The following CAMSAP3 variants were observed in gnomAD, a reference collection of about 807,000 sequenced individuals.
CAMSAP3 encodes calmodulin-regulated spectrin-associated protein 3.
In CAMSAP3, 34 loss-of-function variants were observed where a neutral mutation model predicts 112.5. That is an observed-to-expected ratio of 0.30 (90% CI 0.23 to 0.40). The LOEUF (loss-of-function observed/expected upper bound fraction) is 0.40, where lower values mean the gene tolerates loss of function less well. CAMSAP3 is among the 10% of genes least tolerant of loss of function. The probability of loss-of-function intolerance (pLI) is 1.00; values close to 1 mark genes in which losing one functional copy is unlikely to be tolerated. For missense variants in CAMSAP3, 1,602 were observed against 1,770.3 expected, an observed-to-expected ratio of 0.90 and a Z score of 1.71; for synonymous variants, 868 against 799.8, an observed-to-expected ratio of 1.09 and a Z score of -1.44.
intron 14 of CAMSAP3, 34 bp downstream of exon 14, chr19:7,616,656 C>G: frequency 2.0e-6 from 3 of 1,509,774 alleles, no homozygotes; most frequent in African/African-American, 1.4e-5. Context: ...GGTTCGTATG[C>G]CGGGTGGCTT....
At position 7,613,016 on chromosome 19, in the gene CAMSAP3, G is replaced by A. The variant is rs985977192; in HGVS notation, c.2523G>A (p.Pro841=). 50 of 1,560,376 alleles carry A rather than the reference G, an allele frequency of 3.2e-5. No homozygotes were observed. The highest frequency in any genetic ancestry group is 8.2e-5 in the African/African-American group (6 of 72,994). Residue 841 remains proline, a synonymous_variant, in exon 11 of 17, where the codon CCG becomes CCA. Coordinates refer to ENST00000160298, the MANE Select transcript of CAMSAP3 (RefSeq NM_020902.2). ...CCCCCGAGGAGCCAGCCGCCCGGCC[G>A]GGCCTCATCGAGATCCCGCTGGGCA... ...ETPPEEPAAR[P]GLIEIPLGSL... is the part of the protein sequence containing the mutation.
intron 5 of CAMSAP3, among the ~76,000 whole-genome samples, chr19:7,608,465 C>A (rs935392846): frequency 2.0e-5 from 3 of 152,102 alleles, no homozygotes; most frequent in Non-Finnish European, 4.4e-5. Flanking sequence ...ATATAAACCT[C>A]TCTGTGCTTC....
intron 1 of CAMSAP3, among the ~76,000 whole-genome samples, chr19:7,603,341 A>C (rs1278493455): frequency 6.6e-6 from 1 of 151,650 alleles, no homozygotes; most frequent in Admixed American, 6.6e-5. Flanking sequence ...CGGCTTCCCG[A>C]GTAGCTGGGA....
intron 2 of CAMSAP3, 119 bp from the exon 3 acceptor site, chr19:7,606,152 C>CCGCA (rs2030205782): frequency 3.0e-6 from 1 of 328,296 alleles, no homozygotes; most frequent in African/African-American, 4.3e-5. Context: ...CCCCCTCAAG[C>CCGCA]CCCACCCCCC....
Position 7,615,744 on chromosome 19 carries a change from C to A in CAMSAP3, c.3112+25C>A. ...GGTGAGGACCCTTGGGGGACGGGGC[C>A]TGCCCAGTGCCCTTTCCGGGGCTCA... is the stretch of plus-strand genomic sequence containing the variant. On this transcript the variant is annotated intron_variant, in intron 13 of 16. Transcript: ENST00000160298. This position sits in a 1 kb window ranked among gnomAD's most constrained non-coding sequence, Gnocchi z 6.5. 1 of 1,311,220 alleles carries A rather than the reference C, an allele frequency of 7.6e-7. No individual in the cohort carries two copies. The highest frequency in any genetic ancestry group is 9.7e-7 in the Non-Finnish European group (1 of 1,030,194). 81.2% of individuals were successfully genotyped at this position (1,311,220 alleles called of 1,614,324 possible).
intron 1 of CAMSAP3, among the ~76,000 whole-genome samples, chr19:7,600,861 T>C (rs1046538967): frequency 8.0e-5 from 11 of 137,480 alleles, no homozygotes; most frequent in African/African-American, 1.9e-4. Context: ...CATCCATCCA[T>C]CCACCCACCC....
rs1225600779 is a variant in CAMSAP3 at position 7,611,666 on chromosome 19, C to A, written c.1194-21C>A. 3.8e-6 allele frequency: 6 copies of A among 1,569,474 alleles called. No homozygotes were observed. The African/African-American group carries it at 6.8e-5, about 18-fold the overall frequency. ...GGCCGAGGCTGGTCCCAGGGGCTGACCCCTCCCTCCGGCCGCCCAGCCGTC... is the reference window on the plus strand; with the variant it reads ...GGCCGAGGCTGGTCCCAGGGGCTGAACCCTCCCTCCGGCCGCCCAGCCGTC... On this transcript the variant is annotated intron_variant, in intron 10 of 16. Coordinates refer to ENST00000160298, the MANE Select transcript of CAMSAP3 (RefSeq NM_020902.2). This position sits in a 1 kb window ranked among gnomAD's most constrained non-coding sequence, Gnocchi z 6.9.
At chr19:7,614,145 A>G (rs1375293170) in intron 11 of CAMSAP3, among the ~76,000 whole-genome samples, 2 of 149,852 alleles carry the variant, frequency 1.3e-5, no homozygotes, top group South Asian at 2.1e-4. Context: ...ATGTAGTCCC[A>G]GCTACTCAGG....
chr19:7,609,407 C>T (rs1196206771), intron 5 of CAMSAP3, among the ~76,000 whole-genome samples: 7 of 151,954 alleles, frequency 4.6e-5, no homozygotes, highest in Admixed American at 4.6e-4. Flanking sequence ...AACATCCTCC[C>T]ACCTCAGCCT....
chr19:7,606,439 C>T, intron 3 of CAMSAP3, 37 bp from the exon 4 acceptor site: 2 of 1,610,652 alleles, frequency 1.2e-6, no homozygotes, highest in Non-Finnish European at 1.7e-6. Flanking sequence ...CAGCATCGTC[C>T]AGTGGCCAGA....
At position 7,610,691 on chromosome 19, in the gene CAMSAP3, C is replaced by T; in HGVS notation, c.901-9C>T. 6.2e-7 allele frequency: 1 copy of T among 1,613,982 alleles called. No homozygotes were observed. The highest frequency in any genetic ancestry group is 8.5e-7 in the Non-Finnish European group (1 of 1,179,978). ...GGTCCCGTCTGCTGACCCGGCCTCC[C>T]ACCTCCAGGTCAACTTGGTGGTGAT... On this transcript the variant is annotated splice_polypyrimidine_tract_variant and intron_variant, in intron 6 of 16. Coordinates refer to ENST00000160298, the MANE Select transcript of CAMSAP3 (RefSeq NM_020902.2). The surrounding 1 kb of genome is among the most constrained non-coding windows in gnomAD (Gnocchi z 4.9).
At position 7,609,884 on chromosome 19, in the gene CAMSAP3, G is replaced by A. The variant is rs544523085; in HGVS notation, c.761-592G>A. On this transcript the variant is annotated intron_variant, in intron 5 of 16. Transcript: ENST00000160298. Reference sequence around the variant, plus strand: ...AATCGAATGCCGCCGCTGATCTGACGGAAGCGGGGTTCGGGTGGTCCTGCA... The same window carrying A: ...AATCGAATGCCGCCGCTGATCTGACAGAAGCGGGGTTCGGGTGGTCCTGCA... Among the ~76,000 whole-genome samples, 9 of 152,226 alleles carry A rather than the reference G, an allele frequency of 5.9e-5. No individual in the cohort carries two copies. The East Asian group carries it at 7.7e-4, about 13-fold the overall frequency.
chr19:7,611,903 G>A lies in CAMSAP3; in HGVS notation c.1410G>A (p.Glu470=). 2 of 1,580,256 alleles carry A rather than the reference G, an allele frequency of 1.3e-6. No homozygotes were observed. Among genetic ancestry groups the A allele is most frequent in the South Asian group, 2.3e-5 (2 of 87,374 alleles). ...CTCTGCAGATCATCCACAGTGCCGA[G>A]CCCCGGCTCCTCCCAGATGGGGCGG... ...EEALQIIHSA[E]PRLLPDGAAD... is the part of the protein sequence containing the mutation. Residue 470 remains glutamate, a synonymous_variant, in exon 11 of 17, where the codon GAG becomes GAA. Transcript: ENST00000160298. This position sits in a 1 kb window ranked among gnomAD's most constrained non-coding sequence, Gnocchi z 6.9.
intron 13 of CAMSAP3, among the ~76,000 whole-genome samples, chr19:7,616,119 G>A (rs931715791): frequency 6.6e-6 from 1 of 151,944 alleles, no homozygotes; most frequent in Non-Finnish European, 1.5e-5. Flanking sequence ...CCTGGGAGGT[G>A]GAGGTTGCGG....
chr19:7,612,435 G>A lies in CAMSAP3; in HGVS notation c.1942G>A (p.Glu648Lys), dbSNP rs59573618. ...GGTGCAGCCGCGGGAAGCCTCTGGG[G>A]AGGCGGAAGCAGAGGCGGAGGAGGC... is the stretch of plus-strand genomic sequence containing the variant. ...LQVQPREASG[E>K]AEAEAEEADS... The change falls in exon 11 of 17, where the codon GAG becomes AAG. Residue 648 changes from glutamate (E) to lysine (K), a missense_variant. Glu to Lys is a moderately conservative substitution (Grantham distance 56). Transcript: ENST00000160298. 5.8e-4 allele frequency: 917 copies of A among 1,591,180 alleles called. 9 individuals carry two copies. The African/African-American group carries it at 0.011, about 18-fold the overall frequency.
chr19:7,608,950 A>G (rs957563710), intron 5 of CAMSAP3, among the ~76,000 whole-genome samples: 6 of 152,002 alleles, frequency 3.9e-5, no homozygotes, highest in Admixed American at 3.9e-4. Flanking sequence ...TACTTTTTGC[A>G]TACTGGGTAG....
In CAMSAP3 at chr19:7,615,071, A is replaced by G. The variant is rs1408237613; in HGVS notation, c.2671-112A>G. ...GCACCAACTAAGTGCATTTAGAACA[A>G]TGATGAAAACAAAAGCACAGGTGGG... On this transcript the variant is annotated intron_variant, in intron 11 of 16. Coordinates refer to ENST00000160298, the MANE Select transcript of CAMSAP3 (RefSeq NM_020902.2). This position sits in a 1 kb window ranked among gnomAD's most constrained non-coding sequence, Gnocchi z 6.5. The G allele has an allele frequency of 3.1e-6, 4 of 1,310,202 alleles. No homozygotes were observed. In the African/African-American group the frequency reaches 4.4e-5, roughly 14 times the overall value. The allele number at this position is 1,310,202 out of a possible 1,614,324, so 81.2% of individuals were successfully genotyped here.
At position 7,618,256 on chromosome 19, in the gene CAMSAP3, C is replaced by T. The variant is rs916476563; in HGVS notation, c.*199C>T. On this transcript the variant is annotated 3_prime_UTR_variant, in exon 17 of 17. Coordinates refer to ENST00000160298, the MANE Select transcript of CAMSAP3 (RefSeq NM_020902.2). ...TCAGGGACTCAGGGCTCAGCTCAGT[C>T]CCCTTGTCTGTCCTCCCCCACTTCT... The T allele has an allele frequency of 1.5e-5, 9 of 593,304 alleles. No homozygotes were observed. The highest frequency in any genetic ancestry group is 2.4e-5 in the Non-Finnish European group (8 of 338,548). The allele number at this position is 593,304 out of a possible 1,614,324, so 36.8% of individuals were successfully genotyped here.
Position 7,617,175 on chromosome 19 carries a change from C to G in CAMSAP3, c.3213-151C>G. On this transcript the variant is annotated intron_variant, in intron 14 of 16. Transcript: ENST00000160298. The surrounding 1 kb of genome is among the most constrained non-coding windows in gnomAD (Gnocchi z 7.5). ...CAAGTGATCTGCCCGCTTTGGCCTC[C>G]CGAAGTGCTGGGATTACAGGCATGA... 1.5e-6 allele frequency: 1 copy of G among 652,866 alleles called. No individual in the cohort carries two copies. Among genetic ancestry groups the G allele is most frequent in the Admixed American group, 2.5e-5 (1 of 40,314 alleles). The allele number at this position is 652,866 out of a possible 1,614,324, so 40.4% of individuals were successfully genotyped here.
Sources: allele counts gnomAD v4.1 joint callset (sites outside exome capture counted in the v4.1 genomes callset), GRCh38; gene constraint gnomAD v4.1.1; non-coding constraint Gnocchi (gnomAD v3.1); transcripts MANE v1.5; gene names NCBI Gene and HGNC (gene_info 2026-07-23, HGNC 2026-07-21).